The following DRC9 variants were observed in gnomAD, a reference collection of about 807,000 sequenced individuals.
The protein encoded by DRC9 is dynein regulatory complex subunit 9, also known as dynein regulatory complex protein 9.
the DRC9 span, among the ~76,000 whole-genome samples, chr3:197,909,873 A>G: frequency 6.6e-6 from 1 of 152,090 alleles, no homozygotes; most frequent in East Asian, 1.9e-4. Context: ...GGTGCATGTA[A>G]TCCCAGCTAC....
At chr3:197,946,779 TTAGGAGGAAGTAGCATGGTATTA>T in the DRC9 span, among the ~76,000 whole-genome samples, 1 of 152,212 alleles carries the variant, frequency 6.6e-6, no homozygotes, top group African/African-American at 2.4e-5. Flanking sequence ...AGGGGCAGTT[TTAGGAGGAAGTAGCATGGTATTA>T]AGCAGAATAC....
At chr3:197,959,993 G>A in the DRC9 span, 3 of 558,614 alleles carry the variant, frequency 5.4e-6, no homozygotes, top group Non-Finnish European at 9.5e-6. Context: ...ACGCCCGCTA[G>A]CCTTTCTTCC....
At chr3:197,914,700 A>G in the DRC9 span, among the ~76,000 whole-genome samples, 9 of 152,196 alleles carry the variant, frequency 5.9e-5, no homozygotes, top group African/African-American at 2.2e-4. Context: ...AGACAAACAC[A>G]TGTGTAAACT....
the DRC9 span, among the ~76,000 whole-genome samples, chr3:197,916,902 C>A: frequency 1.5e-4 from 23 of 150,988 alleles, no homozygotes; most frequent in East Asian, 3.9e-3. Context: ...AAAAATCACA[C>A]AAAAAAATCT....
the DRC9 span, among the ~76,000 whole-genome samples, chr3:197,937,930 G>A: frequency 6.6e-6 from 1 of 151,516 alleles, no homozygotes; most frequent in African/African-American, 2.4e-5. Context: ...GAGTGACCTC[G>A]TCTCTAAAAA....
At chr3:197,927,268 C>T in the DRC9 span, among the ~76,000 whole-genome samples, 1 of 152,174 alleles carries the variant, frequency 6.6e-6, no homozygotes, top group East Asian at 1.9e-4. Context: ...ACTCTGTTCT[C>T]CAGGCTGGAG....
the DRC9 span, chr3:197,952,508 T>G: frequency 1.3e-5 from 2 of 152,110 alleles, no homozygotes; most frequent in Non-Finnish European, 2.9e-5. Context: ...TTTCTTTCTT[T>G]TTTGAGACAG....
the DRC9 span, among the ~76,000 whole-genome samples, chr3:197,928,643 C>A: frequency 3.3e-5 from 5 of 152,138 alleles, no homozygotes; most frequent in African/African-American, 1.2e-4. Context: ...AGCCACCATG[C>A]CTAGCCCTCT....
chr3:197,910,879 G>A, the DRC9 span, among the ~76,000 whole-genome samples: 1 of 151,854 alleles, frequency 6.6e-6, no homozygotes, highest in African/African-American at 2.4e-5. Flanking sequence ...GGCTGAGGCA[G>A]GCGAATCGCT....
At chr3:197,957,716 G>A in the DRC9 span, 7 of 152,208 alleles carry the variant, frequency 4.6e-5, no homozygotes, top group Admixed American at 2.6e-4. Context: ...CAGTCAGCGC[G>A]AGGAAGTGCT....
At chr3:197,894,009 T>C in the DRC9 span, among the ~76,000 whole-genome samples, 1 of 152,162 alleles carries the variant, frequency 6.6e-6, no homozygotes, top group African/African-American at 2.4e-5. Flanking sequence ...GAAAGAGATA[T>C]ATTAAGAAAT....
At chr3:197,950,929 T>C in the DRC9 span, 2 of 1,614,012 alleles carry the variant, frequency 1.2e-6, no homozygotes, top group Non-Finnish European at 1.7e-6. Flanking sequence ...TTTTTGTTTG[T>C]TTTAAGGCCT....
At chr3:197,891,366 G>T in the DRC9 span, 1 of 767,902 alleles carries the variant, frequency 1.3e-6, no homozygotes, top group Non-Finnish European at 2.3e-6. Flanking sequence ...ACTGAGATGT[G>T]TTTGATAATG....
the DRC9 span, among the ~76,000 whole-genome samples, chr3:197,903,981 T>TAC: frequency 2.0e-5 from 2 of 101,092 alleles, no homozygotes; most frequent in Admixed American, 9.6e-5. Flanking sequence ...CATACATACA[T>TAC]ACACACACAC....
the DRC9 span, chr3:197,951,372 A>G: frequency 4.5e-6 from 7 of 1,563,748 alleles, no homozygotes; most frequent in South Asian, 1.1e-5. Flanking sequence ...TCTTTTTTAT[A>G]TAACGGAGTC....
At chr3:197,943,657 CAAA>C in the DRC9 span, 1 of 920,336 alleles carries the variant, frequency 1.1e-6, no homozygotes, top group Non-Finnish European at 1.6e-6. Context: ...AGAAAAGAAA[CAAA>C]GAAGGAAAGA....
chr3:197,951,045 T>C, the DRC9 span: 15 of 1,605,426 alleles, frequency 9.3e-6, no homozygotes, highest in African/African-American at 9.4e-5. Flanking sequence ...GAGCTTAAAA[T>C]TGGCAAGAAA....
At chr3:197,918,015 A>T in the DRC9 span, among the ~76,000 whole-genome samples, 1 of 151,506 alleles carries the variant, frequency 6.6e-6, no homozygotes, top group Non-Finnish European at 1.5e-5. Context: ...GATTACAGGC[A>T]TGAGCCACCA....
the DRC9 span, among the ~76,000 whole-genome samples, chr3:197,948,483 G>A: frequency 6.6e-6 from 1 of 152,214 alleles, no homozygotes; most frequent in African/African-American, 2.4e-5. Context: ...GCTCACAGTT[G>A]TATCAGGTGC....
Sources: allele counts gnomAD v4.1 joint callset (sites outside exome capture counted in the v4.1 genomes callset), GRCh38; gene constraint gnomAD v4.1.1; transcripts MANE v1.5; gene names NCBI Gene and HGNC (gene_info 2026-07-23, HGNC 2026-07-21).